The following FMNL2 variants were observed in gnomAD, a reference collection of about 807,000 sequenced individuals.
FMNL2 encodes the protein formin-like protein 2.
A neutral mutation model predicts 130.2 loss-of-function variants in FMNL2; 51 were observed. That is an observed-to-expected ratio of 0.39 (90% confidence interval 0.31 to 0.49). The LOEUF (loss-of-function observed/expected upper bound fraction) is 0.49. FMNL2 is among the 20% of genes least tolerant of loss of function. The pLI is 0.85. For missense variants in FMNL2, 977 were observed against 1,316.2 expected, an observed-to-expected ratio of 0.74 and a Z score of 3.99; for synonymous variants, 465 against 467.1, an observed-to-expected ratio of 1.00 and a Z score of 0.06.
intron 25 of FMNL2, among the ~76,000 whole-genome samples, chr2:152,642,157 GTCTCGA>G: frequency 6.6e-6 from 1 of 152,190 alleles, no homozygotes; most frequent in South Asian, 2.1e-4. Flanking sequence ...AGCCAGGATG[GTCTCGA>G]TCTCCTGACC....
At chr2:152,456,810 C>T (rs1032197984) in intron 1 of FMNL2, among the ~76,000 whole-genome samples, 1 of 151,872 alleles carries the variant, frequency 6.6e-6, no homozygotes, top group South Asian at 2.1e-4. Flanking sequence ...CCAGGCGTGG[C>T]ACCTGTAGTC....
At chr2:152,449,234 T>G (rs1688510465) in intron 1 of FMNL2, among the ~76,000 whole-genome samples, 1 of 152,236 alleles carries the variant, frequency 6.6e-6, no homozygotes, top group Non-Finnish European at 1.5e-5. Context: ...ATGGGATTTT[T>G]GTTGCATGAT....
chr2:152,640,786 C>T lies in FMNL2; in HGVS notation c.3046-5C>T. The T allele has an allele frequency of 6.2e-7, 1 of 1,612,386 alleles. No homozygotes were observed. The highest frequency in any genetic ancestry group is 1.1e-5 in the South Asian group (1 of 90,734). ...TCACTAATCTCTGCCCTTCTTTCTT[C>T]TCAGTCTCCTTCTCATAAATCAAAG... is the stretch of plus-strand genomic sequence containing the variant. On this transcript the variant is annotated splice_polypyrimidine_tract_variant and splice_region_variant and intron_variant, in intron 24 of 25. Coordinates refer to ENST00000288670, the MANE Select transcript of FMNL2 (RefSeq NM_052905.4).
At chr2:152,471,912 A>G (rs922958307) in intron 1 of FMNL2, among the ~76,000 whole-genome samples, 3 of 152,192 alleles carry the variant, frequency 2.0e-5, no homozygotes, top group African/African-American at 7.2e-5. Flanking sequence ...TACTGCCTGG[A>G]TCACAGTTTC....
At chr2:152,501,230 A>T (rs4664588) in intron 1 of FMNL2, among the ~76,000 whole-genome samples, 11,135 of 152,224 alleles carry the variant, frequency 0.073, 645 homozygotes, top group Admixed American at 0.21. Context: ...GTATTTAAGG[A>T]TTATCTCTTT....
At chr2:152,398,725 A>G (rs1443303087) in intron 1 of FMNL2, among the ~76,000 whole-genome samples, 1 of 152,218 alleles carries the variant, frequency 6.6e-6, no homozygotes, top group Admixed American at 6.5e-5. Context: ...ATTGATAAAG[A>G]AATAGTATAG....
chr2:152,483,390 A>C (rs1336304873), intron 1 of FMNL2, among the ~76,000 whole-genome samples: 2 of 152,156 alleles, frequency 1.3e-5, no homozygotes, highest in African/African-American at 4.8e-5. Flanking sequence ...AAAAAAAATA[A>C]AGTGACAGAA....
intron 3 of FMNL2, among the ~76,000 whole-genome samples, chr2:152,548,114 G>C (rs538479325): frequency 2.6e-3 from 402 of 152,320 alleles, no homozygotes; most frequent in African/African-American, 9.1e-3. Flanking sequence ...ACAGGCAAGG[G>C]AATGAGGAAG....
At chr2:152,423,154 C>T (rs1165359369) in intron 1 of FMNL2, among the ~76,000 whole-genome samples, 1 of 152,116 alleles carries the variant, frequency 6.6e-6, no homozygotes, top group African/African-American at 2.4e-5. Flanking sequence ...GATATCTTCC[C>T]TGAAGCATTT....
chr2:152,481,927 C>T (rs1033660246), intron 1 of FMNL2, among the ~76,000 whole-genome samples: 1 of 152,196 alleles, frequency 6.6e-6, no homozygotes, highest in Admixed American at 6.5e-5. Context: ...AGGTAGTACT[C>T]AAAGTTGCCT....
chr2:152,396,307 A>C (rs1164871571), intron 1 of FMNL2, among the ~76,000 whole-genome samples: 1 of 152,196 alleles, frequency 6.6e-6, no homozygotes. Flanking sequence ...TATACTTGCT[A>C]TTTGGGCTGA....
chr2:152,437,263 A>G (rs1462087056), intron 1 of FMNL2, among the ~76,000 whole-genome samples: 1 of 152,178 alleles, frequency 6.6e-6, no homozygotes, highest in East Asian at 1.9e-4. Flanking sequence ...TCCATAGCAG[A>G]TGATATGGAT....
At chr2:152,597,530 G>A (rs1007601395) in intron 9 of FMNL2, among the ~76,000 whole-genome samples, 8 of 152,140 alleles carry the variant, frequency 5.3e-5, no homozygotes, top group African/African-American at 1.9e-4. Flanking sequence ...AGTGAAACTG[G>A]CTTTTTAAAA....
chr2:152,640,990 CA>C, intron 25 of FMNL2, 76 bp downstream of exon 25: 1 of 1,585,350 alleles, frequency 6.3e-7, no homozygotes, highest in Non-Finnish European at 8.6e-7. Flanking sequence ...GCAGATTTTG[CA>C]GCTTCTTTTG....
At chr2:152,469,700 A>G (rs1689750714) in intron 1 of FMNL2, among the ~76,000 whole-genome samples, 2 of 152,206 alleles carry the variant, frequency 1.3e-5, no homozygotes, top group African/African-American at 4.8e-5. Context: ...AATTAAGAGT[A>G]AGGAAATACA....
intron 2 of FMNL2, among the ~76,000 whole-genome samples, chr2:152,527,369 G>A (rs531936627): frequency 2.6e-5 from 4 of 152,172 alleles, no homozygotes; most frequent in Non-Finnish European, 4.4e-5. Context: ...CCATATATAC[G>A]TCCAGTTACC....
At chr2:152,410,120 C>G (rs1208044773) in intron 1 of FMNL2, among the ~76,000 whole-genome samples, 1 of 152,168 alleles carries the variant, frequency 6.6e-6, no homozygotes, top group Non-Finnish European at 1.5e-5. Context: ...AGTCTTTCAT[C>G]AGTGTTGATT....
chr2:152,458,400 C>T (rs1476069346), intron 1 of FMNL2, among the ~76,000 whole-genome samples: 2 of 152,140 alleles, frequency 1.3e-5, no homozygotes, highest in South Asian at 2.1e-4. Flanking sequence ...TCACTGTTGC[C>T]CTTCATTCCC....
chr2:152,470,544 C>T (rs1689800141), intron 1 of FMNL2, among the ~76,000 whole-genome samples: 1 of 152,158 alleles, frequency 6.6e-6, no homozygotes, highest in African/African-American at 2.4e-5. Flanking sequence ...TTCTAGATTA[C>T]AAAATGACAT....
Sources: allele counts gnomAD v4.1 joint callset (sites outside exome capture counted in the v4.1 genomes callset), GRCh38; gene constraint gnomAD v4.1.1; transcripts MANE v1.5; gene names NCBI Gene and HGNC (gene_info 2026-07-23, HGNC 2026-07-21).